THSD7A: variants seen among roughly 807,000 people sequenced by gnomAD.
THSD7A encodes thrombospondin type 1 domain containing 7A, also known as thrombospondin type-1 domain-containing protein 7A.
Under a neutral mutation model 231.3 loss-of-function variants are expected in THSD7A, and 96 were observed. The ratio of observed to expected loss-of-function variants is 0.41; its 90% CI spans 0.35 to 0.49. The LOEUF (loss-of-function observed/expected upper bound fraction) is 0.49. Among genes scored for constraint, THSD7A ranks in the 20% least tolerant of loss-of-function variants. The probability of loss-of-function intolerance (pLI) is 0.05; values close to 1 mark genes in which losing one functional copy is unlikely to be tolerated. For missense variants in THSD7A, 2,290 were observed against 2,070.2 expected, an observed-to-expected ratio of 1.11 and a Z score of -2.06; for synonymous variants, 940 against 743.3, an observed-to-expected ratio of 1.26 and a Z score of -4.30.
chr7:11,764,201 G>A (rs1171065049), intron 1 of THSD7A, among the ~76,000 whole-genome samples: 3 of 152,186 alleles, frequency 2.0e-5, no homozygotes, highest in Non-Finnish European at 4.4e-5. Flanking sequence ...GACAGGGTCA[G>A]TGCTTGACAA....
intron 2 of THSD7A, among the ~76,000 whole-genome samples, chr7:11,635,610 T>C (rs866136031): frequency 6.6e-6 from 1 of 152,192 alleles, no homozygotes; most frequent in Non-Finnish European, 1.5e-5. Flanking sequence ...GCTGTTTCCT[T>C]CTCTGGAGGG....
rs1788454948 is a variant in THSD7A at position 11,525,912 on chromosome 7, C to A, written c.1822+15507G>T. ...TGACTGGAAAGCAAGAGAACATCAG[C>A]AGCACTGGGTGAAAACAGATTTCAC... On this transcript the variant is annotated intron_variant, in intron 6 of 27. Transcript: ENST00000423059. 3.3e-5 allele frequency among the ~76,000 whole-genome samples: 5 copies of A among 152,140 alleles called. 1 individual carries two copies. In the South Asian group the frequency reaches 1.0e-3, roughly 31 times the overall value.
intron 1 of THSD7A, among the ~76,000 whole-genome samples, chr7:11,749,478 A>C (rs933084164): frequency 6.6e-6 from 1 of 151,940 alleles, no homozygotes; most frequent in African/African-American, 2.4e-5. Context: ...AGATATAAAA[A>C]AGAATAAGTA....
At chr7:11,613,855 TC>T (rs1781017991) in intron 2 of THSD7A, among the ~76,000 whole-genome samples, 1 of 152,202 alleles carries the variant, frequency 6.6e-6, no homozygotes, top group Non-Finnish European at 1.5e-5. Context: ...CTATTATGTC[TC>T]CCATGCTTCT....
intron 23 of THSD7A, among the ~76,000 whole-genome samples, chr7:11,398,922 G>C (rs1783294513): frequency 6.6e-6 from 1 of 152,096 alleles, no homozygotes; most frequent in Non-Finnish European, 1.5e-5. Context: ...AGACCACGTG[G>C]GTAAACAAGC....
At chr7:11,652,231 C>T (rs748560839) in intron 1 of THSD7A, among the ~76,000 whole-genome samples, 7 of 151,636 alleles carry the variant, frequency 4.6e-5, no homozygotes, top group Non-Finnish European at 1.0e-4. Flanking sequence ...AGCAATTAAT[C>T]AGGCTGAAGA....
chr7:11,559,243 A>C (rs1032237462), intron 4 of THSD7A, among the ~76,000 whole-genome samples: 1 of 152,196 alleles, frequency 6.6e-6, no homozygotes, highest in Non-Finnish European at 1.5e-5. Context: ...CCTTGATTTT[A>C]GCTTGGAGAG....
chr7:11,658,475 T>C (rs1782791731), intron 1 of THSD7A, among the ~76,000 whole-genome samples: 1 of 151,618 alleles, frequency 6.6e-6, no homozygotes, highest in Non-Finnish European at 1.5e-5. Context: ...GTTGACTTAT[T>C]ATTTCAATGG....
intron 7 of THSD7A, among the ~76,000 whole-genome samples, chr7:11,480,430 A>C (rs1786375940): frequency 6.6e-6 from 1 of 152,290 alleles, no homozygotes; most frequent in South Asian, 2.1e-4. Context: ...CACAGATCTA[A>C]TTTTAATGAA....
At chr7:11,689,491 T>G (rs866799697) in intron 1 of THSD7A, among the ~76,000 whole-genome samples, 2 of 151,714 alleles carry the variant, frequency 1.3e-5, no homozygotes, top group African/African-American at 4.8e-5. Context: ...GAGTCCATAC[T>G]CCTCACTTTT....
chr7:11,794,535 A>C (rs908839698), intron 1 of THSD7A, among the ~76,000 whole-genome samples: 55 of 151,952 alleles, frequency 3.6e-4, no homozygotes, highest in Admixed American at 2.7e-3. Context: ...GCAACATGAT[A>C]TAAGGATTTA....
intron 4 of THSD7A, among the ~76,000 whole-genome samples, chr7:11,562,279 CTT>C (rs72194953): frequency 0.16 from 24,476 of 152,058 alleles, 1,994 homozygotes; most frequent in East Asian, 0.2. Context: ...AAAAATATAT[CTT>C]TGAATTCTCA....
chr7:11,493,079 C>G (rs1786964870), intron 6 of THSD7A, among the ~76,000 whole-genome samples: 1 of 152,092 alleles, frequency 6.6e-6, no homozygotes, highest in Admixed American at 6.6e-5. Flanking sequence ...AAAAGTTGCT[C>G]AGGGCTGTCT....
intron 1 of THSD7A, among the ~76,000 whole-genome samples, chr7:11,794,434 T>C (rs556373256): frequency 2.6e-5 from 4 of 151,990 alleles, no homozygotes; most frequent in Admixed American, 1.3e-4. Context: ...TCATTAGTGA[T>C]GTCTTTCAGA....
chr7:11,651,193 A>G (rs554226133), intron 1 of THSD7A, among the ~76,000 whole-genome samples: 1 of 152,198 alleles, frequency 6.6e-6, no homozygotes, highest in South Asian at 2.1e-4. Flanking sequence ...AAAAGGACAA[A>G]TACTGTATGA....
rs558035775 is a variant in THSD7A at position 11,773,830 on chromosome 7, A to T, written c.190+57927T>A. On this transcript the variant is annotated intron_variant, in intron 1 of 27. Coordinates refer to ENST00000423059, the MANE Select transcript of THSD7A (RefSeq NM_015204.3). ...AAATTAAAAATAAAAAATTGCACAT[A>T]AGGTGATTAATAAAAAGCCTGTTAT... 2.6e-5 allele frequency among the ~76,000 whole-genome samples: 4 copies of T among 152,288 alleles called. No homozygotes were observed. In the South Asian group the frequency reaches 6.2e-4, roughly 24 times the overall value.
intron 4 of THSD7A, among the ~76,000 whole-genome samples, chr7:11,566,962 G>C (rs1365264788): frequency 1.6e-5 from 1 of 62,886 alleles, no homozygotes; most frequent in Non-Finnish European, 3.0e-5. Context: ...AGCTGTGGGA[G>C]AGTGGGGGGG....
chr7:11,582,416 G>C (rs1040122182), intron 4 of THSD7A, among the ~76,000 whole-genome samples: 1 of 151,880 alleles, frequency 6.6e-6, no homozygotes, highest in Non-Finnish European at 1.5e-5. Flanking sequence ...TCTCCTTATT[G>C]TTTCCTATCC....
At chr7:11,386,045 C>T (rs145157192) in intron 23 of THSD7A, among the ~76,000 whole-genome samples, 5 of 152,324 alleles carry the variant, frequency 3.3e-5, no homozygotes, top group African/African-American at 1.2e-4. Flanking sequence ...AGGACATGAA[C>T]TCATCCTTTT....
Sources: allele counts gnomAD v4.1 joint callset (sites outside exome capture counted in the v4.1 genomes callset), GRCh38; gene constraint gnomAD v4.1.1; transcripts MANE v1.5; gene names NCBI Gene and HGNC (gene_info 2026-07-23, HGNC 2026-07-21).